ZNF532: variants seen among roughly 807,000 people sequenced by gnomAD.
The protein encoded by ZNF532 is zinc finger protein 532.
Under a neutral mutation model 89.3 loss-of-function variants are expected in ZNF532, and 22 were observed. The ratio of observed to expected loss-of-function variants is 0.25; its 90% CI spans 0.18 to 0.35. The LOEUF is 0.35. Among genes scored for constraint, ZNF532 ranks in the 10% least tolerant of loss-of-function variants. ZNF532 has a pLI of 1.00. For synonymous variants in ZNF532, 606 were observed against 649.6 expected (o/e 0.93, Z 1.02); for missense variants, 1,132 against 1,643.4 (o/e 0.69, Z 5.38).
At chr18:58,916,258 G>A (rs1444773088) in intron 2 of ZNF532, among the ~76,000 whole-genome samples, 1 of 152,140 alleles carries the variant, frequency 6.6e-6, no homozygotes, top group Non-Finnish European at 1.5e-5. Context: ...TTTGTAAGTG[G>A]GTGGATTCTT....
intron 5 of ZNF532, among the ~76,000 whole-genome samples, chr18:58,946,774 A>G (rs2063701567): frequency 6.6e-6 from 1 of 152,126 alleles, no homozygotes. Context: ...CCCCAAGGGT[A>G]CTTGTGCTCT....
chr18:58,921,934 C>T (rs956169298), intron 3 of ZNF532, among the ~76,000 whole-genome samples: 1 of 152,056 alleles, frequency 6.6e-6, no homozygotes, highest in South Asian at 2.1e-4. Context: ...GGTGAAACCT[C>T]ATCTCTAACA....
chr18:58,932,753 A>T (rs1264098023), intron 3 of ZNF532, among the ~76,000 whole-genome samples: 1 of 152,162 alleles, frequency 6.6e-6, no homozygotes, highest in Non-Finnish European at 1.5e-5. Context: ...ACTTCAATTT[A>T]CTTAATGTAT....
intron 5 of ZNF532, among the ~76,000 whole-genome samples, chr18:58,940,958 A>ACACACACT (rs1209329621): frequency 6.4e-4 from 84 of 131,790 alleles, no homozygotes; most frequent in African/African-American, 2.2e-3. Context: ...ACACACACAC[A>ACACACACT]CTCTTTCTCT....
chr18:58,916,447 T>G (rs2060607043), intron 2 of ZNF532, among the ~76,000 whole-genome samples: 2 of 152,202 alleles, frequency 1.3e-5, no homozygotes, highest in Non-Finnish European at 2.9e-5. Context: ...CCTGTGTACT[T>G]TTTGCATCGG....
chr18:58,954,044 T>C (rs2064498449), intron 7 of ZNF532: 1 of 984,918 alleles, frequency 1.0e-6, no homozygotes, highest in African/African-American at 1.7e-5. Flanking sequence ...ATGAATGTGG[T>C]AAGTTACCTA....
intron 8 of ZNF532, chr18:58,980,516 T>C (rs1032827075): frequency 6.6e-6 from 1 of 152,210 alleles, no homozygotes; most frequent in Non-Finnish European, 1.5e-5. Context: ...TTAGGGCCAA[T>C]CAGTATGAAT....
Position 58,870,860 on chromosome 18 carries a change from C to T in ZNF532, c.-18+5281C>T, listed in dbSNP as rs147899070. On this transcript the variant is annotated intron_variant, in intron 2 of 9. Transcript: ENST00000591808. ...TCTTTGAGATAGCAAATTCCGAAGG[C>T]AGAATAGATTTGGAAGAGTGGAGGT... is the stretch of plus-strand genomic sequence containing the variant. 5.9e-3 allele frequency among the ~76,000 whole-genome samples: 905 copies of T among 152,104 alleles called. 8 individuals are homozygous for T. The highest frequency in any genetic ancestry group is 0.016 in the African/African-American group (657 of 41,482).
chr18:58,951,043 T>G (rs967526903), intron 6 of ZNF532, among the ~76,000 whole-genome samples: 22 of 150,790 alleles, frequency 1.5e-4, no homozygotes, highest in African/African-American at 4.9e-4. Context: ...GCAGCCTCCA[T>G]GTCCTGGGCT....
At chr18:58,906,393 G>A (rs955879307) in intron 2 of ZNF532, among the ~76,000 whole-genome samples, 1 of 152,118 alleles carries the variant, frequency 6.6e-6, no homozygotes, top group Non-Finnish European at 1.5e-5. Context: ...GGGCTTCTAT[G>A]TCCCTTTGAC....
In ZNF532 at chr18:58,983,169, C is replaced by T. The variant is rs1289822570; in HGVS notation, c.3412-803C>T. 3.3e-5 allele frequency among the ~76,000 whole-genome samples: 5 copies of T among 152,168 alleles called. No individual in the cohort carries two copies. The East Asian group carries it at 5.8e-4, about 18-fold the overall frequency. On this transcript the variant is annotated intron_variant, in intron 9 of 9. Transcript: ENST00000591808. Reference sequence around the variant, plus strand: ...CAGGTCATGGCCACGTGTGAAGGTGCACATGAACAGAGCAGAAAAGCTGGG... The same window carrying T: ...CAGGTCATGGCCACGTGTGAAGGTGTACATGAACAGAGCAGAAAAGCTGGG...
rs1193634615 is a variant in ZNF532 at position 58,985,582 on chromosome 18, G to A, written c.*1116G>A. The stretch of plus-strand genomic sequence containing the variant: ...CGTTACCTTAAGCACTGAGCCACCC[G>A]GGTTTAGTTCAGCCATTTCAAGAAG... On this transcript the variant is annotated 3_prime_UTR_variant, in exon 10 of 10. Transcript: ENST00000591808. 4.6e-5 allele frequency: 7 copies of A among 152,494 alleles called. No homozygotes were observed. Among genetic ancestry groups the A allele is most frequent in the African/African-American group, 1.7e-4 (7 of 41,414 alleles). 9.4% of individuals were successfully genotyped at this position (152,494 alleles called of 1,614,324 possible).
chr18:58,976,479 C>T (rs370400192), intron 7 of ZNF532, among the ~76,000 whole-genome samples: 3 of 152,154 alleles, frequency 2.0e-5, no homozygotes, highest in African/African-American at 7.2e-5. Context: ...TAGAAAGATA[C>T]ATTTTTCTTT....
At chr18:58,895,873 G>C (rs541329251) in intron 2 of ZNF532, among the ~76,000 whole-genome samples, 8 of 146,244 alleles carry the variant, frequency 5.5e-5, no homozygotes, top group African/African-American at 2.0e-4. Context: ...TTTTTTTTGA[G>C]ATGGTCTCAC....
intron 3 of ZNF532, among the ~76,000 whole-genome samples, chr18:58,928,114 A>G (rs1245232240): frequency 6.6e-6 from 1 of 151,590 alleles, no homozygotes; most frequent in Non-Finnish European, 1.5e-5. Context: ...ACCTCTGTTT[A>G]TGTTTTGAAC....
At chr18:58,871,275 G>A (rs1555700033) in intron 2 of ZNF532, among the ~76,000 whole-genome samples, 1 of 152,128 alleles carries the variant, frequency 6.6e-6, no homozygotes, top group Non-Finnish European at 1.5e-5. Context: ...CTGCTATGTT[G>A]CCCAGACTGG....
chr18:58,916,169 A>G (rs762353547), intron 2 of ZNF532, among the ~76,000 whole-genome samples: 2 of 152,224 alleles, frequency 1.3e-5, no homozygotes, highest in Non-Finnish European at 2.9e-5. Flanking sequence ...TACTCTGCTA[A>G]TGGCAGCTTT....
At chr18:58,912,144 C>T (rs548374043) in intron 2 of ZNF532, among the ~76,000 whole-genome samples, 2 of 152,202 alleles carry the variant, frequency 1.3e-5, no homozygotes, top group African/African-American at 4.8e-5. Context: ...TGGTTCGTGG[C>T]ATTAGTATGT....
chr18:58,943,222 C>T (rs1206473324), intron 5 of ZNF532, among the ~76,000 whole-genome samples: 5 of 146,750 alleles, frequency 3.4e-5, no homozygotes, highest in African/African-American at 1.3e-4. Flanking sequence ...TGCAGTGGCG[C>T]GATCTCTGCT....
Sources: gnomAD v4.1 joint callset for allele counts (sites outside exome capture counted in the v4.1 genomes callset) on GRCh38, gnomAD v4.1.1 for gene constraint, MANE v1.5 for transcripts, NCBI Gene and HGNC (gene_info 2026-07-23, HGNC 2026-07-21) for gene names.